The following EYA1 variants were observed in gnomAD, a reference collection of about 807,000 sequenced individuals.
EYA1 encodes EYA transcriptional coactivator and phosphatase 1.
EYA1 carries 16 observed loss-of-function variants against 82.0 expected under a neutral mutation model. The ratio of observed to expected loss-of-function variants is 0.20; its 90% CI spans 0.13 to 0.30. The LOEUF is 0.30. Ranked by LOEUF, EYA1 falls within the 10% of genes least tolerant of loss-of-function variation. The pLI is 1.00. For synonymous variants in EYA1, 261 were observed against 264.4 expected (o/e 0.99, Z 0.12); for missense variants, 633 against 730.7 (o/e 0.87, Z 1.54).
At chr8:71,543,731 C>T (rs749535765) in intron 1 of EYA1, among the ~76,000 whole-genome samples, 4 of 152,022 alleles carry the variant, frequency 2.6e-5, no homozygotes, top group African/African-American at 7.3e-5. Context: ...GAAGAAGGGG[C>T]TGAAAAACAT....
intron 2 of EYA1, among the ~76,000 whole-genome samples, chr8:71,392,555 A>ATAGG (rs1305892810): frequency 2.6e-5 from 4 of 152,148 alleles, no homozygotes; most frequent in Non-Finnish European, 5.9e-5. Flanking sequence ...GAGGTGAGAG[A>ATAGG]TAGGCTGTAG....
At chr8:71,234,035 G>A (rs1811542219) in intron 12 of EYA1, among the ~76,000 whole-genome samples, 1 of 152,160 alleles carries the variant, frequency 6.6e-6, no homozygotes, top group African/African-American at 2.4e-5. Flanking sequence ...TTTATAGCAA[G>A]AACCAGCTCC....
rs371664883 is a variant in EYA1 at position 71,495,522 on chromosome 8, G to T, written c.33+40222C>A. Among the ~76,000 whole-genome samples, 333 of 152,278 alleles carry T rather than the reference G, an allele frequency of 2.2e-3. 3 individuals carry two copies. The highest frequency in any genetic ancestry group is 3.1e-3 in the Non-Finnish European group (211 of 68,032). ...AGCTACTCGGGAGGCTGAGGCAGAA[G>T]AATCGCTTGAACCTGAGAGATAAAG... On this transcript the variant is annotated intron_variant, in intron 2 of 18. Coordinates refer to the EYA1 transcript ENST00000643681.
chr8:71,263,869 G>A (rs559094261), intron 11 of EYA1, among the ~76,000 whole-genome samples: 2 of 152,150 alleles, frequency 1.3e-5, no homozygotes, highest in Non-Finnish European at 2.9e-5. Context: ...GTCAATCCTC[G>A]GTCTAGAGTT....
chr8:71,289,077 A>C (rs1036127809), intron 9 of EYA1, among the ~76,000 whole-genome samples: 2 of 152,206 alleles, frequency 1.3e-5, no homozygotes, highest in Non-Finnish European at 2.9e-5. Context: ...AGTTATTTAA[A>C]ATTTTTTTTA....
chr8:71,472,648 T>C (rs1339865464), intron 2 of EYA1, among the ~76,000 whole-genome samples: 1 of 151,868 alleles, frequency 6.6e-6, no homozygotes, highest in Non-Finnish European at 1.5e-5. Flanking sequence ...AAAGACTAAG[T>C]ATCTTGCATA....
At chr8:71,321,464 A>G (rs1274653850) in intron 6 of EYA1, among the ~76,000 whole-genome samples, 2 of 152,234 alleles carry the variant, frequency 1.3e-5, no homozygotes, top group African/African-American at 4.8e-5. Context: ...CAGTGCTCAA[A>G]TGGCAAATTC....
intron 2 of EYA1, among the ~76,000 whole-genome samples, chr8:71,450,096 C>T (rs752729811): frequency 5.3e-5 from 8 of 152,226 alleles, no homozygotes; most frequent in Non-Finnish European, 1.0e-4. Context: ...CTACAACTCT[C>T]TCCATATCAG....
chr8:71,250,281 A>G (rs941115278), intron 11 of EYA1, among the ~76,000 whole-genome samples: 3 of 152,222 alleles, frequency 2.0e-5, no homozygotes, highest in Non-Finnish European at 2.9e-5. Context: ...CTCAAAACAC[A>G]ACTAGGCAGA....
chr8:71,209,583 G>T (rs1395185789), intron 17 of EYA1, among the ~76,000 whole-genome samples: 1 of 152,124 alleles, frequency 6.6e-6, no homozygotes, highest in African/African-American at 2.4e-5. Flanking sequence ...GGTAAACTAG[G>T]CCATCTTCAG....
chr8:71,298,978 G>A lies in EYA1; in HGVS notation c.826+69C>T, dbSNP rs554009293. The A allele has an allele frequency of 8.0e-5, 120 of 1,496,048 alleles. No individual in the cohort carries two copies. The African/African-American group carries it at 1.4e-3, about 17-fold the overall frequency. The allele number at this position is 1,496,048 out of a possible 1,614,324, so 92.7% of individuals were successfully genotyped here. On this transcript the variant is annotated intron_variant, in intron 9 of 17. Coordinates refer to ENST00000340726, the MANE Select transcript of EYA1 (RefSeq NM_000503.6). ...TTGTGCAACCACTGCATGAATATAT[G>A]ACTGTAGAAAAATGCATTGAAACCA...
chr8:71,270,812 T>G (rs1214858309), intron 10 of EYA1, among the ~76,000 whole-genome samples: 1 of 152,168 alleles, frequency 6.6e-6, no homozygotes, highest in Non-Finnish European at 1.5e-5. Flanking sequence ...TATATAAGTG[T>G]GTCTTTCATT....
intron 3 of EYA1, among the ~76,000 whole-genome samples, chr8:71,346,409 CTT>C (rs1229463883): frequency 1.4e-5 from 2 of 138,766 alleles, no homozygotes; most frequent in Admixed American, 7.6e-5. Flanking sequence ...CACATACACA[CTT>C]TTATTTTTTT....
intron 2 of EYA1, among the ~76,000 whole-genome samples, chr8:71,487,384 T>A (rs1414679602): frequency 1.3e-5 from 2 of 152,100 alleles, no homozygotes; most frequent in Non-Finnish European, 2.9e-5. Context: ...CCCAAACCAG[T>A]CTACAAAGAT....
chr8:71,297,794 T>C (rs1042974646), intron 9 of EYA1, among the ~76,000 whole-genome samples: 1 of 152,192 alleles, frequency 6.6e-6, no homozygotes, highest in Non-Finnish European at 1.5e-5. Context: ...AAGAGAGAGA[T>C]ATGTATACTC....
At chr8:71,227,106 G>A (rs1197285545) in intron 12 of EYA1, among the ~76,000 whole-genome samples, 1 of 151,778 alleles carries the variant, frequency 6.6e-6, no homozygotes, top group Non-Finnish European at 1.5e-5. Flanking sequence ...AAAGACTAAA[G>A]GCTGAATTAA....
At chr8:71,254,573 C>T (rs1484291230) in intron 11 of EYA1, among the ~76,000 whole-genome samples, 2 of 152,014 alleles carry the variant, frequency 1.3e-5, no homozygotes, top group African/African-American at 2.4e-5. Flanking sequence ...AAGGAAATTA[C>T]CCAGCAAAAT....
At chr8:71,234,361 T>G (rs1811576378) in intron 12 of EYA1, among the ~76,000 whole-genome samples, 1 of 152,194 alleles carries the variant, frequency 6.6e-6, no homozygotes, top group Admixed American at 6.5e-5. Context: ...TCTTGATCCT[T>G]TCTGTCTTCA....
chr8:71,212,632 G>A (rs1032260478), intron 16 of EYA1, among the ~76,000 whole-genome samples: 1 of 152,164 alleles, frequency 6.6e-6, no homozygotes, highest in South Asian at 2.1e-4. Context: ...TCACAATAGA[G>A]GTTAAGAAAA....
Sources: gnomAD v4.1 joint callset for allele counts (sites outside exome capture counted in the v4.1 genomes callset) on GRCh38, gnomAD v4.1.1 for gene constraint, MANE v1.5 for transcripts, NCBI Gene and HGNC (gene_info 2026-07-23, HGNC 2026-07-21) for gene names.